Variants in FOXP1 observed in about 807,000 individuals in gnomAD.
FOXP1 encodes forkhead box P1.
FOXP1 carries 15 observed loss-of-function variants against 98.2 expected under a neutral mutation model. The observed-to-expected ratio is 0.15, with a 90% CI of 0.10 to 0.24. The LOEUF (loss-of-function observed/expected upper bound fraction) is 0.24. FOXP1 is among the 10% of genes least tolerant of loss of function. FOXP1 has a pLI of 1.00. For synonymous variants in FOXP1, 371 were observed against 314.5 expected (o/e 1.18, Z -1.90); for missense variants, 633 against 848.5 (o/e 0.75, Z 3.15).
chr3:71,154,416 A>G (rs1159919966), intron 6 of FOXP1, among the ~76,000 whole-genome samples: 2 of 152,232 alleles, frequency 1.3e-5, no homozygotes, highest in Non-Finnish European at 2.9e-5. Flanking sequence ...GGAAAACTCT[A>G]AAACCATGAC....
At chr3:71,470,565 C>T (rs527799877) in intron 3 of FOXP1, among the ~76,000 whole-genome samples, 14 of 152,134 alleles carry the variant, frequency 9.2e-5, no homozygotes, top group South Asian at 2.1e-4. Context: ...CATGGTGAAC[C>T]GCGTCTCCAC....
intron 7 of FOXP1, among the ~76,000 whole-genome samples, chr3:71,070,960 C>A (rs964246560): frequency 2.0e-5 from 3 of 152,166 alleles, no homozygotes; most frequent in African/African-American, 7.2e-5. Context: ...ACCGGGGAAG[C>A]CGGCACAGGG....
At chr3:71,100,255 T>C (rs1051465890) in intron 7 of FOXP1, among the ~76,000 whole-genome samples, 5 of 152,248 alleles carry the variant, frequency 3.3e-5, no homozygotes, top group African/African-American at 7.2e-5. Flanking sequence ...ACAAAGTTGG[T>C]AGTCACAACA....
chr3:71,205,555 C>T (rs943924576), intron 5 of FOXP1, among the ~76,000 whole-genome samples: 12 of 152,024 alleles, frequency 7.9e-5, no homozygotes, highest in African/African-American at 2.4e-4. Flanking sequence ...TTTAGCCATA[C>T]AGGAGGATCA....
chr3:71,375,890 T>C (rs572747052), intron 3 of FOXP1, among the ~76,000 whole-genome samples: 1 of 152,278 alleles, frequency 6.6e-6, no homozygotes, highest in South Asian at 2.1e-4. Context: ...TTAAAATGAG[T>C]ATTTTTCAAA....
chr3:71,013,376 T>G (rs1441455839), intron 12 of FOXP1, among the ~76,000 whole-genome samples: 1 of 152,188 alleles, frequency 6.6e-6, no homozygotes, highest in Admixed American at 6.5e-5. Flanking sequence ...TCACCAATTT[T>G]ATAAAAATAA....
intron 3 of FOXP1, among the ~76,000 whole-genome samples, chr3:71,455,454 A>T (rs542716768): frequency 6.6e-6 from 1 of 152,352 alleles, no homozygotes; most frequent in African/African-American, 2.4e-5. Context: ...TTTTAATTAA[A>T]GAAAACTTGG....
chr3:70,971,389 T>G (rs941779758), intron 18 of FOXP1: 2 of 156,064 alleles, frequency 1.3e-5, no homozygotes, highest in African/African-American at 4.8e-5. Flanking sequence ...TCTGAGAATA[T>G]TTGCTGCCAT....
chr3:71,475,554 A>C (rs1044568506), intron 3 of FOXP1, among the ~76,000 whole-genome samples: 1 of 152,124 alleles, frequency 6.6e-6, no homozygotes, highest in African/African-American at 2.4e-5. Context: ...TTTAAAATGT[A>C]AAAATGGGCC....
chr3:71,461,481 G>T (rs766350563), intron 3 of FOXP1, among the ~76,000 whole-genome samples: 1 of 152,132 alleles, frequency 6.6e-6, no homozygotes, highest in African/African-American at 2.4e-5. Context: ...GCGACAGAAT[G>T]AGACCCTGTC....
intron 5 of FOXP1, among the ~76,000 whole-genome samples, chr3:71,265,534 G>C (rs1221591263): frequency 6.6e-6 from 1 of 152,202 alleles, no homozygotes; most frequent in Non-Finnish European, 1.5e-5. Flanking sequence ...GAAACAGCCA[G>C]ATGTGAGACA....
chr3:71,062,573 C>A (rs911842111), intron 7 of FOXP1, among the ~76,000 whole-genome samples: 1 of 152,194 alleles, frequency 6.6e-6, no homozygotes, highest in African/African-American at 2.4e-5. Flanking sequence ...ATGATGCCAT[C>A]ACATTTTCAT....
intron 4 of FOXP1, among the ~76,000 whole-genome samples, chr3:71,308,050 C>G (rs1390915614): frequency 6.6e-6 from 1 of 151,882 alleles, no homozygotes; most frequent in Non-Finnish European, 1.5e-5. Context: ...AATCCGTATG[C>G]AAGCTTTAGA....
At chr3:71,158,467 C>G (rs1009423994) in intron 6 of FOXP1, among the ~76,000 whole-genome samples, 12 of 152,042 alleles carry the variant, frequency 7.9e-5, no homozygotes, top group Non-Finnish European at 1.2e-4. Context: ...GTATGGATGA[C>G]AAAGACACTG....
rs142956636 is a variant in FOXP1, at chr3:70,956,732, GTTTTTTTTTTTTTTT to G, written c.*2500_*2514del. ...GCACATCATGAAGCTGCCTGGAAAA[GTTTTTTTTTTTTTTT>G]TTTTTTTTTTTTTTTTTTTTTTTTT... On this transcript the variant is annotated 3_prime_UTR_variant, in exon 21 of 21. Coordinates refer to ENST00000649528, the MANE Select transcript of FOXP1 (RefSeq NM_001349338.3). 103 of 32,806 alleles carry G rather than the reference GTTTTTTTTTTTTTTT, an allele frequency of 3.1e-3. No homozygotes were observed. Among genetic ancestry groups the G allele is most frequent in the Admixed American group, 0.011 (22 of 2,034 alleles). The allele number at this position is 32,806 out of a possible 1,614,324, so 2.0% of individuals were successfully genotyped here. A position where few individuals can be genotyped will look rare whatever the true frequency, so the allele number is the denominator to read the frequency against.
intron 5 of FOXP1, among the ~76,000 whole-genome samples, chr3:71,268,169 C>A (rs1023297131): frequency 8.4e-5 from 12 of 142,956 alleles, no homozygotes; most frequent in Non-Finnish European, 1.8e-4. Context: ...CGGCTCACTG[C>A]AAACTCCGCC....
chr3:70,975,948 T>G (rs1393360384), intron 17 of FOXP1, among the ~76,000 whole-genome samples: 2 of 152,140 alleles, frequency 1.3e-5, no homozygotes, highest in African/African-American at 2.4e-5. Flanking sequence ...AATAAAGAGC[T>G]ATGCAATTTG....
chr3:71,298,542 G>C (rs1375648915), intron 5 of FOXP1, among the ~76,000 whole-genome samples: 2 of 152,166 alleles, frequency 1.3e-5, no homozygotes, highest in African/African-American at 4.8e-5. Flanking sequence ...GCTGTGGCCT[G>C]ATAATCCCAA....
At chr3:71,002,963 T>C (rs1017591089) in intron 12 of FOXP1, among the ~76,000 whole-genome samples, 3 of 152,200 alleles carry the variant, frequency 2.0e-5, no homozygotes, top group Non-Finnish European at 2.9e-5. Context: ...CAGGACCCAG[T>C]GGACTCCCTG....
Sources: gnomAD v4.1 joint callset for allele counts (sites outside exome capture counted in the v4.1 genomes callset) on GRCh38, gnomAD v4.1.1 for gene constraint, MANE v1.5 for transcripts, NCBI Gene and HGNC (gene_info 2026-07-23, HGNC 2026-07-21) for gene names.